Variants in TM2D1 observed in about 807,000 individuals in gnomAD.
TM2D1 encodes the protein TM2 domain containing 1.
In TM2D1, 15 loss-of-function variants were observed where a neutral mutation model predicts 28.4. The observed-to-expected ratio is 0.53, with a 90% confidence interval of 0.35 to 0.81. The LOEUF is 0.81. Ranked by LOEUF, TM2D1 falls within the 40% of genes least tolerant of loss-of-function variation. The pLI, the probability that TM2D1 is intolerant of heterozygous loss-of-function variation, is 0.01. For synonymous variants in TM2D1, 93 were observed against 96.2 expected, an observed-to-expected ratio of 0.97 and a Z score of 0.20; for missense variants, 236 against 254.9, an observed-to-expected ratio of 0.93 and a Z score of 0.50.
chr1:61,705,041 G>A (rs1429553903), intron 3 of TM2D1, among the ~76,000 whole-genome samples: 2 of 152,186 alleles, frequency 1.3e-5, no homozygotes, highest in African/African-American at 2.4e-5. Flanking sequence ...TACTGCATTA[G>A]ACAGAAAATC....
intron 4 of TM2D1, 90 bp from the exon 5 acceptor site, chr1:61,694,860 T>C: frequency 1.5e-6 from 1 of 649,324 alleles, no homozygotes; most frequent in Non-Finnish European, 2.6e-6. Flanking sequence ...TTATTATATA[T>C]ATATATCACA....
At chr1:61,685,906 G>A (rs1644281938) in intron 5 of TM2D1, among the ~76,000 whole-genome samples, 2 of 152,282 alleles carry the variant, frequency 1.3e-5, no homozygotes, top group South Asian at 4.1e-4. Context: ...TCAGCTACTC[G>A]AGAGGCTGAG....
At chr1:61,690,249 G>A (rs1392183730) in intron 5 of TM2D1, among the ~76,000 whole-genome samples, 1 of 152,000 alleles carries the variant, frequency 6.6e-6, no homozygotes, top group Non-Finnish European at 1.5e-5. Context: ...TTGAGGTCAG[G>A]AGTTCAAGAC....
intron 4 of TM2D1, 132 bp from the exon 5 acceptor site, chr1:61,694,902 TAAAGA>T (rs940572605): frequency 4.5e-6 from 2 of 448,426 alleles, no homozygotes; most frequent in Non-Finnish European, 7.8e-6. Flanking sequence ...AAGTAACACT[TAAAGA>T]AATCAAATCT....
intron 3 of TM2D1, among the ~76,000 whole-genome samples, chr1:61,702,113 C>T (rs1318673593): frequency 1.3e-5 from 2 of 151,760 alleles, no homozygotes; most frequent in South Asian, 4.2e-4. Context: ...TCACTTGAAC[C>T]CAGGAGGTGG....
At chr1:61,689,992 C>T (rs1411122631) in intron 5 of TM2D1, among the ~76,000 whole-genome samples, 1 of 152,132 alleles carries the variant, frequency 6.6e-6, no homozygotes, top group Admixed American at 6.5e-5. Context: ...ATTAGGGCTC[C>T]ACCATCCACT....
chr1:61,721,320 T>C (rs1335291504), intron 2 of TM2D1, among the ~76,000 whole-genome samples: 1 of 151,888 alleles, frequency 6.6e-6, no homozygotes, highest in African/African-American at 2.4e-5. Flanking sequence ...GGCAGGTGGA[T>C]CACCTGAGGT....
At chr1:61,692,303 T>C (rs558096038) in intron 5 of TM2D1, among the ~76,000 whole-genome samples, 3 of 152,206 alleles carry the variant, frequency 2.0e-5, no homozygotes, top group South Asian at 4.1e-4. Context: ...GTATTGTTTC[T>C]GTTCAAAGAC....
In TM2D1 at chr1:61,701,005, A is replaced by G. The variant is rs777393342; in HGVS notation, c.368T>C (p.Val123Ala). ...AAGAAAAAGAGACAATGCGACTGCC[A>G]CTTTGTAGGAATAGCCATTTCTGCA... Reference protein sequence around the residue: ...CRNVNGYSYKVAVALSLFLGW... With the variant: ...CRNVNGYSYKAAVALSLFLGW... The change falls in exon 4 of 7, where the codon GTG becomes GCG. Residue 123 changes from valine (V) to alanine (A), a missense_variant. By Grantham distance (64) the Val-to-Ala change is moderately conservative (BLOSUM62 0). Transcript: ENST00000606498. The G allele has an allele frequency of 6.2e-7, 1 of 1,611,806 alleles. No homozygotes were observed. The highest frequency in any genetic ancestry group is 8.5e-7 in the Non-Finnish European group (1 of 1,178,942).
intron 2 of TM2D1, among the ~76,000 whole-genome samples, chr1:61,720,807 A>G (rs1402847216): frequency 6.6e-6 from 1 of 152,172 alleles, no homozygotes; most frequent in East Asian, 1.9e-4. Context: ...TTTTAAGATC[A>G]CATCAATTTA....
At chr1:61,681,709 AC>A (rs1644244834) in intron 6 of TM2D1, among the ~76,000 whole-genome samples, 1 of 152,236 alleles carries the variant, frequency 6.6e-6, no homozygotes, top group Admixed American at 6.5e-5. Flanking sequence ...AATAAAAGTT[AC>A]ATGAAACTAC....
At position 61,689,938 on chromosome 1, in the gene TM2D1, T is replaced by A. The variant is rs114002712; in HGVS notation, c.513+4759A>T. Among the ~76,000 whole-genome samples, 512 of 152,298 alleles carry A rather than the reference T, an allele frequency of 3.4e-3. 3 individuals carry two copies. The highest frequency in any genetic ancestry group is 0.012 in the African/African-American group (481 of 41,558). On this transcript the variant is annotated intron_variant, in intron 5 of 6. Transcript: ENST00000606498. ...TCCTATGTTGAAGTCTAACCCCAAA[T>A]GTGTTGGTATTAAGAGGTAGGGCCT...
At chr1:61,707,121 G>A (rs893103906) in intron 3 of TM2D1, among the ~76,000 whole-genome samples, 2 of 151,998 alleles carry the variant, frequency 1.3e-5, no homozygotes, top group Non-Finnish European at 2.9e-5. Flanking sequence ...CGAGCTTTGG[G>A]GCATGCACCT....
chr1:61,706,834 A>AAAAGAAAG (rs71050144), intron 3 of TM2D1, among the ~76,000 whole-genome samples: 2,430 of 146,466 alleles, frequency 0.017, 39 homozygotes, highest in African/African-American at 0.038. Context: ...TGTCTTAAAA[A>AAAAGAAAG]AAAGAAAGAA....
intron 2 of TM2D1, among the ~76,000 whole-genome samples, chr1:61,721,230 TA>T (rs1442629893): frequency 1.5e-4 from 22 of 148,944 alleles, no homozygotes; most frequent in Non-Finnish European, 3.0e-5. Context: ...GATCCTGTCT[TA>T]AAAAAAAGAA....
chr1:61,712,244 C>A (rs1644483966), intron 2 of TM2D1, among the ~76,000 whole-genome samples: 1 of 152,126 alleles, frequency 6.6e-6, no homozygotes, highest in African/African-American at 2.4e-5. Flanking sequence ...ATCAATAGCA[C>A]TGAGGTTGAG....
At chr1:61,697,705 GCC>G (rs1644373964) in intron 4 of TM2D1, 1 of 152,082 alleles carries the variant, frequency 6.6e-6, no homozygotes, top group Non-Finnish European at 1.5e-5. Flanking sequence ...GTTTCCTCAT[GCC>G]CCTTTGTAAT....
At chr1:61,683,738 G>A (rs1644264244) in intron 5 of TM2D1, 192 bp from the exon 6 acceptor site, 1 of 358,806 alleles carries the variant, frequency 2.8e-6, no homozygotes, top group African/African-American at 2.2e-5. Context: ...ATAGCTCAAA[G>A]GATCAAAAGA....
intron 5 of TM2D1, among the ~76,000 whole-genome samples, chr1:61,691,668 C>T (rs1644325931): frequency 6.6e-6 from 1 of 151,044 alleles, no homozygotes; most frequent in Non-Finnish European, 1.5e-5. Context: ...ATAATCCCAG[C>T]ACTGTGGGAC....
Sources: gnomAD v4.1 joint callset for allele counts (sites outside exome capture counted in the v4.1 genomes callset) on GRCh38, gnomAD v4.1.1 for gene constraint, MANE v1.5 for transcripts, NCBI Gene and HGNC (gene_info 2026-07-23, HGNC 2026-07-21) for gene names.